SLC29A2: variants seen among roughly 807,000 people sequenced by gnomAD.
The protein encoded by SLC29A2 is equilibrative nucleoside transporter 2.
SLC29A2 carries 37 observed loss-of-function variants against 48.8 expected under a neutral mutation model. The ratio of observed to expected loss-of-function variants is 0.76; its 90% CI spans 0.58 to 1.00. SLC29A2 has a LOEUF of 1.00. SLC29A2 is among the 50% of genes least tolerant of loss of function. SLC29A2 has a pLI of 0.00. For missense variants in SLC29A2, 533 were observed against 578.6 expected, an observed-to-expected ratio of 0.92 and a Z score of 0.81; for synonymous variants, 233 against 261.7, an observed-to-expected ratio of 0.89 and a Z score of 1.06.
intron 2 of SLC29A2, among the ~76,000 whole-genome samples, chr11:66,371,000 G>A (rs1469560569): frequency 1.3e-5 from 2 of 152,352 alleles, no homozygotes; most frequent in Non-Finnish European, 2.9e-5. Flanking sequence ...AGGGGTGGCA[G>A]CGCCTTTGCT....
In SLC29A2 at chr11:66,364,474, C is replaced by T. The variant is rs757995693; in HGVS notation, c.1060-50G>A. On this transcript the variant is annotated intron_variant, in intron 10 of 11. Transcript: ENST00000357440. ...TGGTCCCTGGAGCCAGGTCTCTGCT[C>T]CAGGGCATCTCAGGACACCCATAGA... The T allele has an allele frequency of 2.8e-6, 4 of 1,434,902 alleles. No homozygotes were observed. The African/African-American group carries it at 5.6e-5, about 20-fold the overall frequency. The allele number at this position is 1,434,902 out of a possible 1,614,324, so 88.9% of individuals were successfully genotyped here.
intron 2 of SLC29A2, 54 bp from the exon 3 acceptor site, chr11:66,369,586 C>T: frequency 6.3e-7 from 1 of 1,596,746 alleles, no homozygotes; most frequent in Non-Finnish European, 8.6e-7. Context: ...TCCCCCGCTG[C>T]CTTCCCCCTC....
rs757919393 is a variant in SLC29A2 at position 66,365,986 on chromosome 11, AGAG to A, written c.1006_1008del (p.Leu336del). ...CGTCCCAGCCAGTCCATGATGTTGAAGAGGAGGAAGCAGCAGATGGGGTTGAAG... is the reference window on the plus strand; with the variant it reads ...CGTCCCAGCCAGTCCATGATGTTGAAGAGGAAGCAGCAGATGGGGTTGAAG... On this transcript the variant is annotated inframe_deletion, in exon 10 of 12. Transcript: ENST00000357440. 1 of 1,614,104 alleles carries A rather than the reference AGAG, an allele frequency of 6.2e-7. No individual in the cohort carries two copies. Among genetic ancestry groups the A allele is most frequent in the Admixed American group, 1.7e-5 (1 of 60,008 alleles).
At position 66,364,086 on chromosome 11, in the gene SLC29A2, G is replaced by A. The variant is rs1336629255; in HGVS notation, c.1259+139C>T. Reference sequence around the variant, plus strand: ...GTTAAGGCTTGGCCCAGTAGGGGGCGCCAGCAAGGCCTGCAGACAGCTAGG... The same window carrying A: ...GTTAAGGCTTGGCCCAGTAGGGGGCACCAGCAAGGCCTGCAGACAGCTAGG... On this transcript the variant is annotated intron_variant, in intron 11 of 11. Coordinates refer to ENST00000357440, the MANE Select transcript of SLC29A2 (RefSeq NM_001532.3). The A allele has an allele frequency of 2.6e-5, 19 of 742,024 alleles. No homozygotes were observed. In the South Asian group the frequency reaches 2.8e-4, roughly 11 times the overall value. The allele number at this position is 742,024 out of a possible 1,614,324, so 46.0% of individuals were successfully genotyped here. A position where few individuals can be genotyped will look rare whatever the true frequency, so the allele number is the denominator to read the frequency against.
rs1565225216 is a variant in SLC29A2 at position 66,371,553 on chromosome 11, G to GC, written c.29+9dup. 6 of 1,550,388 alleles carry GC rather than the reference G, an allele frequency of 3.9e-6. No individual in the cohort carries two copies. The highest frequency in any genetic ancestry group is 5.2e-6 in the Non-Finnish European group (6 of 1,147,796). On this transcript the variant is annotated intron_variant, in intron 1 of 11. Coordinates refer to ENST00000357440, the MANE Select transcript of SLC29A2 (RefSeq NM_001532.3). ...CCCCGGCCACTTGCAACGCACCCGG[G>GC]CCCACTCACCTGTCCCGCGGGGCGT...
At chr11:66,364,591 A>T (rs1855562733) in intron 10 of SLC29A2, 167 bp from the exon 11 acceptor site, 1 of 572,636 alleles carries the variant, frequency 1.7e-6, no homozygotes, top group Admixed American at 3.2e-5. Context: ...TGCAACCTCC[A>T]CCTCCTGGGT....
chr11:66,370,623 C>T (rs1483310975), intron 2 of SLC29A2, among the ~76,000 whole-genome samples: 1 of 151,946 alleles, frequency 6.6e-6, no homozygotes, highest in Admixed American at 6.6e-5. Context: ...TTTGGGAGGC[C>T]GAGGCGGGAG....
At position 66,364,212 on chromosome 11, in the gene SLC29A2, C is replaced by T; in HGVS notation, c.1259+13G>A. The T allele has an allele frequency of 6.3e-7, 1 of 1,580,302 alleles. No individual in the cohort carries two copies. Among genetic ancestry groups the T allele is most frequent in the South Asian group, 1.1e-5 (1 of 87,664 alleles). ...CTACTCCCAGCCCCCCACCCCACCC[C>T]ATTGCCCCGGACCTGGGCGCCAGGC... On this transcript the variant is annotated intron_variant, in intron 11 of 11. Transcript: ENST00000357440.
chr11:66,372,107 C>G (rs72557996), upstream of SLC29A2: 122 of 153,476 alleles, frequency 7.9e-4, 2 homozygotes, highest in East Asian at 0.014. Flanking sequence ...TCCTGCGACC[C>G]CTAAAGCTGG....
chr11:66,363,559 G>A lies in SLC29A2; in HGVS notation c.1260-12C>T, dbSNP rs769189147. ...GTGGCAGCACCTGCCTAGAACACCC[G>A]GGAACAGGAGCTCTTAGAAAATGCT... On this transcript the variant is annotated splice_polypyrimidine_tract_variant and intron_variant, in intron 11 of 11. Coordinates refer to ENST00000357440, the MANE Select transcript of SLC29A2 (RefSeq NM_001532.3). 1.3e-5 allele frequency: 21 copies of A among 1,594,718 alleles called. No homozygotes were observed. The highest frequency in any genetic ancestry group is 1.7e-4 in the Middle Eastern group (1 of 6,026).
At chr11:66,368,735 G>C in intron 4 of SLC29A2, 64 bp from the exon 5 acceptor site, 1 of 1,554,420 alleles carries the variant, frequency 6.4e-7, no homozygotes, top group Non-Finnish European at 8.7e-7. Flanking sequence ...CCCTGGAGGA[G>C]GTGCCGGCAG....
At position 66,367,782 on chromosome 11, in the gene SLC29A2, A is replaced by T. The variant is rs1225308002; in HGVS notation, c.638T>A (p.Leu213Gln). ...ILMSIVCYLS[L>Q]PHLKFARYYL... ...CAACAGCAGGCTCACCAGGTGAGGC[A>T]GGCTCAGGTAACACACGATGGACAT... The change falls in exon 6 of 12, where the codon CTG becomes CAG. Residue 213 changes from leucine (L) to glutamine (Q), a missense_variant. Coordinates refer to ENST00000357440, the MANE Select transcript of SLC29A2 (RefSeq NM_001532.3). 6.2e-7 allele frequency: 1 copy of T among 1,613,950 alleles called. No homozygotes were observed. The highest frequency in any genetic ancestry group is 2.2e-5 in the East Asian group (1 of 44,896).
At chr11:66,371,143 C>G in intron 2 of SLC29A2, 101 bp downstream of exon 2, 1 of 1,013,382 alleles carries the variant, frequency 9.9e-7, no homozygotes, top group Non-Finnish European at 1.5e-6. Context: ...CGAGGGGTCA[C>G]AGGTGCGCGG....
intron 5 of SLC29A2, 122 bp downstream of exon 5, chr11:66,368,415 T>C: frequency 7.5e-7 from 1 of 1,335,334 alleles, no homozygotes; most frequent in Non-Finnish European, 1.1e-6. Flanking sequence ...CAATCCCCAT[T>C]TCCATATCAC....
chr11:66,369,806 C>A (rs993213424), intron 2 of SLC29A2, among the ~76,000 whole-genome samples: 13 of 152,206 alleles, frequency 8.5e-5, no homozygotes, highest in Non-Finnish European at 1.8e-4. Flanking sequence ...TTCCAGCCCC[C>A]ATCCCCACTC....
intron 2 of SLC29A2, among the ~76,000 whole-genome samples, chr11:66,370,736 G>C (rs995303038): frequency 1.3e-5 from 2 of 152,026 alleles, no homozygotes; most frequent in African/African-American, 4.8e-5. Context: ...GCGGGCGCCT[G>C]TAGTCCCAGC....
Position 66,362,931 on chromosome 11 carries a change from C to G in SLC29A2, c.*505G>C. On this transcript the variant is annotated 3_prime_UTR_variant, in exon 12 of 12. Transcript: ENST00000357440. ...ACAGTAAGTGTTGGCAATGAAAACA[C>G]TGCTTGAGGCTGAGCCTGGCCCTTT... The G allele has an allele frequency of 4.7e-6, 1 of 210,828 alleles. No homozygotes were observed. The highest frequency in any genetic ancestry group is 9.7e-6 in the Non-Finnish European group (1 of 102,682). 13.1% of individuals were successfully genotyped at this position (210,828 alleles called of 1,614,324 possible).
At chr11:66,371,376 G>T in intron 1 of SLC29A2, 51 bp from the exon 2 acceptor site, 2 of 1,586,304 alleles carry the variant, frequency 1.3e-6, no homozygotes, top group Non-Finnish European at 8.6e-7. Context: ...GCCTCCGCAG[G>T]CCCTCCCGCC....
rs778550380 is a variant in SLC29A2, at chr11:66,369,199, G to A, written c.276C>T (p.Cys92=). 1.5e-5 allele frequency: 23 copies of A among 1,575,574 alleles called. No homozygotes were observed. The highest frequency in any genetic ancestry group is 4.6e-5 in the South Asian group (4 of 86,836). The change falls in exon 4 of 12, where the codon TGC becomes TGT. Residue 92 remains cysteine (C), a splice_region_variant and synonymous_variant. Transcript: ENST00000357440. ...FTLLNSFLYQ[C]VPETVRILGS... ...CCAGAATGCGCACCGTCTCCGGGAC[G>A]CTGCTCAGAAGCAGGCAGAGTGCAT... is the stretch of plus-strand genomic sequence containing the variant.
Sources: gnomAD v4.1 joint callset for allele counts (sites outside exome capture counted in the v4.1 genomes callset) on GRCh38, gnomAD v4.1.1 for gene constraint, MANE v1.5 for transcripts, NCBI Gene and HGNC (gene_info 2026-07-23, HGNC 2026-07-21) for gene names.